Variants in TICAM2 observed in about 807,000 individuals in gnomAD.
TICAM2 encodes the protein TIR domain-containing adapter molecule 2.
Under a neutral mutation model 7.3 loss-of-function variants are expected in TICAM2, and 8 were observed. That is an observed-to-expected ratio of 1.10 (90% CI 0.65 to 1.99). The LOEUF (loss-of-function observed/expected upper bound fraction) is 1.99, where lower values mean the gene tolerates loss of function less well. TICAM2 is among the 30% of genes most tolerant of loss of function. The pLI, the probability that TICAM2 is intolerant of heterozygous loss-of-function variation, is 0.00. For synonymous variants in TICAM2, 113 were observed against 99.6 expected (o/e 1.13, Z -0.80); for missense variants, 304 against 278.8 (o/e 1.09, Z -0.65).
intron 1 of TICAM2, among the ~76,000 whole-genome samples, chr5:115,600,648 G>T (rs534832782): frequency 3.3e-5 from 5 of 152,278 alleles, no homozygotes; most frequent in African/African-American, 1.2e-4. Flanking sequence ...TGAGGGGTCA[G>T]GAAAGATGAG....
chr5:115,598,421 A>T (rs773550383), intron 1 of TICAM2, among the ~76,000 whole-genome samples: 7 of 152,196 alleles, frequency 4.6e-5, no homozygotes, highest in Non-Finnish European at 7.3e-5. Flanking sequence ...CAAAGGACAG[A>T]ACATTCATCT....
intron 1 of TICAM2, among the ~76,000 whole-genome samples, chr5:115,589,392 T>A (rs926138514): frequency 1.3e-5 from 2 of 152,180 alleles, no homozygotes; most frequent in Non-Finnish European, 2.9e-5. Flanking sequence ...AAATCCCAAC[T>A]AGGGTAATAA....
At chr5:115,590,638 C>A (rs1299474739) in intron 1 of TICAM2, among the ~76,000 whole-genome samples, 1 of 152,184 alleles carries the variant, frequency 6.6e-6, no homozygotes, top group East Asian at 1.9e-4. Flanking sequence ...GATGTCTGAG[C>A]TGCTGACAAT....
At chr5:115,585,017 C>T (rs1755052890) in intron 1 of TICAM2, among the ~76,000 whole-genome samples, 1 of 152,108 alleles carries the variant, frequency 6.6e-6, no homozygotes, top group Admixed American at 6.6e-5. Context: ...TTTAAAATTC[C>T]ATTTCATGAA....
chr5:115,595,572 A>C lies in TICAM2; in HGVS notation c.-60+6525T>G, dbSNP rs990449827. ...ATCATTTCTAGATAGATCTTTCTGC[A>C]ATGGAAAACTGATCCTGTTTTTCTC... On this transcript the variant is annotated intron_variant, in intron 1 of 1. Coordinates refer to ENST00000427199, the MANE Select transcript of TICAM2 (RefSeq NM_021649.7). 7.2e-5 allele frequency among the ~76,000 whole-genome samples: 11 copies of C among 152,318 alleles called. No homozygotes were observed. In the East Asian group the frequency reaches 2.1e-3, roughly 29 times the overall value.
chr5:115,600,525 CA>C (rs1305375850), intron 1 of TICAM2, among the ~76,000 whole-genome samples: 1 of 151,878 alleles, frequency 6.6e-6, no homozygotes, highest in Non-Finnish European at 1.5e-5. Context: ...CACAATGAAG[CA>C]GAATGAAATG....
chr5:115,599,857 T>C (rs1367482148), intron 1 of TICAM2, among the ~76,000 whole-genome samples: 3 of 152,058 alleles, frequency 2.0e-5, no homozygotes, highest in Non-Finnish European at 2.9e-5. Flanking sequence ...CTTTTCTTTT[T>C]TTTTTCTTTC....
intron 1 of TICAM2, among the ~76,000 whole-genome samples, chr5:115,583,695 T>C (rs1005835186): frequency 6.6e-6 from 1 of 152,162 alleles, no homozygotes; most frequent in African/African-American, 2.4e-5. Flanking sequence ...CTTAGTGCAC[T>C]GTGGTTCCCA....
At chr5:115,584,670 T>A (rs191185767) in intron 1 of TICAM2, among the ~76,000 whole-genome samples, 1 of 152,124 alleles carries the variant, frequency 6.6e-6, no homozygotes, top group African/African-American at 2.4e-5. Context: ...AGAAAAGACA[T>A]AAGAGAAAAA....
intron 1 of TICAM2, among the ~76,000 whole-genome samples, chr5:115,596,012 T>G (rs1257234103): frequency 6.6e-6 from 1 of 152,236 alleles, no homozygotes; most frequent in African/African-American, 2.4e-5. Flanking sequence ...GCACCTCATT[T>G]TCCCAGACTT....
chr5:115,587,140 G>A (rs751657912), intron 1 of TICAM2, among the ~76,000 whole-genome samples: 48 of 152,266 alleles, frequency 3.2e-4, no homozygotes, highest in Non-Finnish European at 4.1e-4. Context: ...GCAGGGGAAA[G>A]GTAAAGTAGA....
At position 115,578,760 on chromosome 5, in the gene TICAM2, A is replaced by G. The variant is rs192143252; in HGVS notation, c.*1789T>C. The G allele has an allele frequency of 3.5e-4, 50 of 142,976 alleles. No individual in the cohort carries two copies. Among genetic ancestry groups the G allele is most frequent in the African/African-American group, 1.1e-3 (43 of 39,472 alleles). 8.9% of individuals were successfully genotyped at this position (142,976 alleles called of 1,614,324 possible). A position where few individuals can be genotyped will look rare whatever the true frequency, so the allele number is the denominator to read the frequency against. Reference sequence around the variant, plus strand: ...TTTATTAGTATATAAAATTGGCTTTACAGGAAGCATTATGGCAAAAAAATG... The same window carrying G: ...TTTATTAGTATATAAAATTGGCTTTGCAGGAAGCATTATGGCAAAAAAATG... On this transcript the variant is annotated 3_prime_UTR_variant, in exon 2 of 2. Coordinates refer to ENST00000427199, the MANE Select transcript of TICAM2 (RefSeq NM_021649.7).
chr5:115,587,202 C>T (rs962720667), intron 1 of TICAM2, among the ~76,000 whole-genome samples: 4 of 152,156 alleles, frequency 2.6e-5, no homozygotes, highest in Non-Finnish European at 5.9e-5. Flanking sequence ...AGGACTTTGG[C>T]TTTCATCATG....
intron 1 of TICAM2, among the ~76,000 whole-genome samples, chr5:115,585,113 A>G (rs1190779506): frequency 6.6e-6 from 1 of 152,192 alleles, no homozygotes; most frequent in East Asian, 1.9e-4. Context: ...CTTAATCAAT[A>G]TATTTGTGCT....
chr5:115,600,729 G>A (rs1755695100), intron 1 of TICAM2, among the ~76,000 whole-genome samples: 1 of 152,108 alleles, frequency 6.6e-6, no homozygotes, highest in Non-Finnish European at 1.5e-5. Flanking sequence ...GGGTAATGGG[G>A]ACAAAAAGCC....
In TICAM2 at chr5:115,597,542, C is replaced by T. The variant is rs139997955; in HGVS notation, c.-60+4555G>A. On this transcript the variant is annotated intron_variant, in intron 1 of 1. Transcript: ENST00000427199. ...AACAATTTTAATGACATGAGAAAAA[C>T]GCTTCTCATGACACGAAAATGAAAT... 6.4e-4 allele frequency among the ~76,000 whole-genome samples: 97 copies of T among 152,130 alleles called. No homozygotes were observed. In the East Asian group the frequency reaches 0.012, roughly 19 times the overall value.
intron 1 of TICAM2, among the ~76,000 whole-genome samples, chr5:115,585,937 G>C (rs937158624): frequency 1.3e-5 from 2 of 152,198 alleles, no homozygotes; most frequent in Non-Finnish European, 2.9e-5. Flanking sequence ...CAGGATGGTA[G>C]TAGTAAAAGT....
intron 1 of TICAM2, among the ~76,000 whole-genome samples, chr5:115,597,037 G>A (rs186514695): frequency 2.6e-4 from 39 of 152,260 alleles, no homozygotes; most frequent in African/African-American, 9.4e-4. Context: ...TTTCAGACTG[G>A]TGCCACCCTT....
intron 1 of TICAM2, among the ~76,000 whole-genome samples, chr5:115,600,154 C>A (rs1262622973): frequency 6.6e-6 from 1 of 152,094 alleles, no homozygotes; most frequent in Non-Finnish European, 1.5e-5. Flanking sequence ...TTCCGGCCTA[C>A]TTGAATGGCA....
Sources: allele counts gnomAD v4.1 joint callset (sites outside exome capture counted in the v4.1 genomes callset), GRCh38; gene constraint gnomAD v4.1.1; transcripts MANE v1.5; gene names NCBI Gene and HGNC (gene_info 2026-07-23, HGNC 2026-07-21).